Variants in DNAH2 observed in about 807,000 individuals in gnomAD.
DNAH2 encodes the protein axonemal beta dynein heavy chain 2.
In DNAH2, 323 loss-of-function variants were observed where a neutral mutation model predicts 523.5. That is an observed-to-expected ratio of 0.62 (90% CI 0.56 to 0.68). The LOEUF is 0.68. DNAH2 is among the 30% of genes least tolerant of loss of function. The pLI is 0.00. For missense variants in DNAH2, 4,907 were observed against 5,701.5 expected (o/e 0.86, Z 4.49); for synonymous variants, 2,093 against 2,177.4 (o/e 0.96, Z 1.08).
At chr17:7,820,635 C>T (rs1445129799) in intron 72 of DNAH2, among the ~76,000 whole-genome samples, 1 of 152,224 alleles carries the variant, frequency 6.6e-6, no homozygotes, top group Non-Finnish European at 1.5e-5. Flanking sequence ...TCTCTGTCCT[C>T]TCCGAGACTG....
In DNAH2 at chr17:7,818,357, A is replaced by G; in HGVS notation, c.10433A>G (p.Asn3478Ser). The change falls in exon 69 of 86, where the codon AAT becomes AGT. Residue 3478 changes from asparagine to serine, a missense_variant. Asn to Ser is a conservative substitution (Grantham distance 46). Transcript: ENST00000572933. ...ATTGGCGATAAGGAGGTGGAATATA[A>G]TACCAATTTCCGTTTCTACATCACC... ...MRIGDKEVEY[N>S]TNFRFYITTK... The G allele has an allele frequency of 6.2e-7, 1 of 1,614,116 alleles. No homozygotes were observed. Among genetic ancestry groups the G allele is most frequent in the East Asian group, 2.2e-5 (1 of 44,868 alleles).
At position 7,718,106 on chromosome 17, in the gene DNAH2, G is replaced by A. The variant is rs750768799; in HGVS notation, c.-708G>A. The A allele has an allele frequency of 6.6e-6, 1 of 152,156 alleles. No homozygotes were observed. The highest frequency in any genetic ancestry group is 1.5e-5 in the Non-Finnish European group (1 of 68,042). 9.4% of individuals were successfully genotyped at this position (152,156 alleles called of 1,614,324 possible). ...GGATAAATACTGCTGGATTTATACT[G>A]CAGGATAAATACTGCTGGCCCCTGC... On this transcript the variant is annotated 5_prime_UTR_variant, in exon 1 of 86. Transcript: ENST00000572933.
At chr17:7,822,162 G>A (rs1341935492) in intron 73 of DNAH2, among the ~76,000 whole-genome samples, 1 of 152,200 alleles carries the variant, frequency 6.6e-6, no homozygotes, top group African/African-American at 2.4e-5. Context: ...GTAGAGGCGG[G>A]GTCCCACCAT....
At chr17:7,745,549 G>T (rs2075492060) in intron 12 of DNAH2, among the ~76,000 whole-genome samples, 1 of 151,626 alleles carries the variant, frequency 6.6e-6, no homozygotes, top group East Asian at 1.9e-4. Context: ...TGGCGCAGTG[G>T]CTCATGCCTA....
chr17:7,765,404 T>A lies in DNAH2; in HGVS notation c.3350T>A (p.Leu1117Gln). 1.2e-6 allele frequency: 2 copies of A among 1,613,590 alleles called. No homozygotes were observed. Among genetic ancestry groups the A allele is most frequent in the Non-Finnish European group, 1.7e-6 (2 of 1,179,656 alleles). Residue 1117 changes from leucine (L) to glutamine (Q), a missense_variant, in exon 21 of 86, where the codon CTG becomes CAG. Coordinates refer to ENST00000572933, the MANE Select transcript of DNAH2 (RefSeq NM_020877.5). ...VPVEDSVLEMLDSLNGEWVVF... is the reference protein window; with the variant it reads ...VPVEDSVLEMQDSLNGEWVVF... ...TGACTCCCCCAGGTCCTGGAGATGC[T>A]GGACAGTCTCAACGGGGAGTGGGTT...
chr17:7,746,650 C>T (rs949112699), intron 12 of DNAH2, among the ~76,000 whole-genome samples: 3 of 152,072 alleles, frequency 2.0e-5, no homozygotes, highest in Non-Finnish European at 4.4e-5. Context: ...GACAAAAACA[C>T]TACATGCTCA....
intron 5 of DNAH2, 35 bp from the exon 6 acceptor site, chr17:7,734,148 C>T: frequency 6.5e-7 from 1 of 1,547,102 alleles, no homozygotes; most frequent in Non-Finnish European, 8.8e-7. Context: ...GAACTCATCC[C>T]CTCTGTCCAC....
intron 12 of DNAH2, among the ~76,000 whole-genome samples, chr17:7,752,216 AT>A (rs1428661966): frequency 2.0e-4 from 25 of 127,468 alleles, no homozygotes; most frequent in African/African-American, 7.2e-4. Flanking sequence ...AATTTTTGGT[AT>A]TTTATTTTTG....
Position 7,734,088 on chromosome 17 carries a change from C to T in DNAH2, c.629-95C>T, listed in dbSNP as rs989386531. On this transcript the variant is annotated intron_variant, in intron 5 of 85. Coordinates refer to ENST00000572933, the MANE Select transcript of DNAH2 (RefSeq NM_020877.5). ...TACCTGCTCTCCTGAAATGCATATG[C>T]TTCCTGGTCCCCTACCGATCATCAA... 4 of 1,064,000 alleles carry T rather than the reference C, an allele frequency of 3.8e-6. No individual in the cohort carries two copies. The African/African-American group carries it at 4.8e-5, about 13-fold the overall frequency. The allele number at this position is 1,064,000 out of a possible 1,614,324, so 65.9% of individuals were successfully genotyped here. A position where few individuals can be genotyped will look rare whatever the true frequency, so the allele number is the denominator to read the frequency against.
intron 77 of DNAH2, 74 bp from the exon 78 acceptor site, chr17:7,830,226 C>A: frequency 6.7e-7 from 1 of 1,500,938 alleles, no homozygotes. Context: ...ACCTCCACAA[C>A]TGTACATGGC....
rs1241866897 is a variant in DNAH2, at chr17:7,832,582, T to G, written c.12730T>G (p.Tyr4244Asp). 6.2e-7 allele frequency: 1 copy of G among 1,613,918 alleles called. No homozygotes were observed. The highest frequency in any genetic ancestry group is 2.2e-5 in the East Asian group (1 of 44,880). Reference protein sequence around the residue: ...AHVPPLWGKAYPSQKPLAAWT... With the variant: ...AHVPPLWGKADPSQKPLAAWT... ...TACACACGCACTCCTTCCCCAGGCA[T>G]ACCCCTCACAAAAGCCATTGGCTGC... Residue 4244 changes from tyrosine (Y) to aspartate (D), a missense_variant, in exon 83 of 86, where the codon TAC (tyrosine) becomes GAC (aspartate). Tyr to Asp is a radical substitution (Grantham distance 160). Around this residue, in one of 3 missense-constraint regions of DNAH2, gnomAD observed 1,851 missense variants for 2,139.4 expected, o/e 0.87. Transcript: ENST00000572933. The surrounding 1 kb of genome is among the most constrained non-coding windows in gnomAD (Gnocchi z 4.3).
intron 48 of DNAH2, among the ~76,000 whole-genome samples, chr17:7,793,520 CT>C (rs1267947967): frequency 5.5e-5 from 6 of 109,404 alleles, no homozygotes; most frequent in Non-Finnish European, 1.2e-4. Flanking sequence ...TCTTTCTTCT[CT>C]TTCTCTTTCT....
In DNAH2 at chr17:7,821,342, A is replaced by C; in HGVS notation, c.11115A>C (p.Glu3705Asp). ...CTTCTGGCAAGCTCAACATGGATGA[A>C]TACAACTTCTTTCTACGTGGGGGTG... ...LETSGKLNMD[E>D]YNFFLRGGVV... Residue 3705 changes from glutamate (E) to aspartate (D), a missense_variant, in exon 73 of 86, where the codon GAA (glutamate) becomes GAC (aspartate). Glu to Asp is a conservative substitution (Grantham distance 45, BLOSUM62 2). Transcript: ENST00000572933. The surrounding 1 kb of genome is among the most constrained non-coding windows in gnomAD (Gnocchi z 5.0). 1 of 1,613,642 alleles carries C rather than the reference A, an allele frequency of 6.2e-7. No homozygotes were observed.
At chr17:7,814,517 G>A (rs572082926) in intron 63 of DNAH2, among the ~76,000 whole-genome samples, 4 of 152,228 alleles carry the variant, frequency 2.6e-5, no homozygotes, top group African/African-American at 4.8e-5. Context: ...AGAGGCATAC[G>A]CATAATTTTT....
At chr17:7,817,506 G>C (rs573855095) in intron 65 of DNAH2, 55 bp from the exon 66 acceptor site, 1 of 1,613,500 alleles carries the variant, frequency 6.2e-7, no homozygotes. Flanking sequence ...GTGAAGGCGC[G>C]GGGGCTGCTG....
chr17:7,773,148 C>T (rs140055057), intron 28 of DNAH2, among the ~76,000 whole-genome samples: 1 of 152,308 alleles, frequency 6.6e-6, no homozygotes, highest in East Asian at 1.9e-4. Flanking sequence ...GGTGAATTGA[C>T]ATGACAGTAA....
At chr17:7,736,417 C>T (rs1347017334) in intron 7 of DNAH2, among the ~76,000 whole-genome samples, 4 of 152,144 alleles carry the variant, frequency 2.6e-5, no homozygotes, top group East Asian at 1.9e-4. Flanking sequence ...GAGTGATATG[C>T]GGCCAGTTGA....
At chr17:7,804,143 G>A in intron 58 of DNAH2, 113 bp from the exon 59 acceptor site, 1 of 1,086,716 alleles carries the variant, frequency 9.2e-7, no homozygotes, top group Non-Finnish European at 1.3e-6. Flanking sequence ...GGTAGTGTTG[G>A]TGGCAACAGA....
chr17:7,789,798 G>A (rs1025438433), intron 44 of DNAH2, among the ~76,000 whole-genome samples: 1 of 152,064 alleles, frequency 6.6e-6, no homozygotes, highest in African/African-American at 2.4e-5. Flanking sequence ...AGCTGGTCTT[G>A]AACTCCTGAC....
Sources: allele counts gnomAD v4.1 joint callset (sites outside exome capture counted in the v4.1 genomes callset), GRCh38; gene constraint gnomAD v4.1.1; regional missense constraint gnomAD v4.1.1; non-coding constraint Gnocchi (gnomAD v3.1); transcripts MANE v1.5; gene names NCBI Gene and HGNC (gene_info 2026-07-23, HGNC 2026-07-21).